DPP10: variants seen among roughly 807,000 people sequenced by gnomAD.
DPP10 encodes the protein inactive dipeptidyl peptidase 10.
A neutral mutation model predicts 120.9 loss-of-function variants in DPP10; 33 were observed. That is an observed-to-expected ratio of 0.27 (90% confidence interval 0.21 to 0.37). The LOEUF is 0.37. Ranked by LOEUF, DPP10 falls within the 10% of genes least tolerant of loss-of-function variation. The probability of loss-of-function intolerance (pLI) is 1.00; values close to 1 mark genes in which losing one functional copy is unlikely to be tolerated. For missense variants in DPP10, 816 were observed against 942.8 expected, an observed-to-expected ratio of 0.87 and a Z score of 1.76; for synonymous variants, 337 against 326.1, an observed-to-expected ratio of 1.03 and a Z score of -0.36.
chr2:114,708,549 G>A (rs1350065905), intron 1 of DPP10, among the ~76,000 whole-genome samples: 1 of 152,136 alleles, frequency 6.6e-6, no homozygotes, highest in Non-Finnish European at 1.5e-5. Context: ...AGAAAACTGA[G>A]CACCTTGGTC....
intron 19 of DPP10, among the ~76,000 whole-genome samples, chr2:115,801,363 T>G (rs965773414): frequency 6.6e-6 from 1 of 152,122 alleles, no homozygotes; most frequent in Non-Finnish European, 1.5e-5. Flanking sequence ...TCTAAATATA[T>G]AATCATGTCA....
intron 1 of DPP10, among the ~76,000 whole-genome samples, chr2:115,013,782 A>G (rs557680363): frequency 1.3e-5 from 2 of 152,268 alleles, no homozygotes; most frequent in South Asian, 4.1e-4. Context: ...TGCAAGCAAC[A>G]AGAAAAGCTA....
intron 5 of DPP10, among the ~76,000 whole-genome samples, chr2:115,630,337 T>A (rs2085742652): frequency 1.3e-5 from 2 of 152,166 alleles, no homozygotes; most frequent in Non-Finnish European, 2.9e-5. Context: ...AGATATAGGA[T>A]CATGTCATCT....
At chr2:115,236,008 A>T (rs2057985610) in intron 1 of DPP10, among the ~76,000 whole-genome samples, 2 of 152,140 alleles carry the variant, frequency 1.3e-5, no homozygotes, top group Admixed American at 6.6e-5. Context: ...ATAACTAAAA[A>T]ATTTACTTTT....
chr2:114,513,827 C>G (rs948060870), intron 1 of DPP10, among the ~76,000 whole-genome samples: 4 of 152,138 alleles, frequency 2.6e-5, no homozygotes, highest in African/African-American at 9.7e-5. Context: ...AATTAATATA[C>G]TCATTGAAAA....
intron 5 of DPP10, among the ~76,000 whole-genome samples, chr2:115,612,854 A>G (rs2084215135): frequency 6.6e-6 from 1 of 151,838 alleles, no homozygotes; most frequent in Non-Finnish European, 1.5e-5. Context: ...AATGCTAAAC[A>G]TCTGTATCTT....
chr2:114,562,756 A>G (rs117713611), intron 1 of DPP10, among the ~76,000 whole-genome samples: 1 of 152,250 alleles, frequency 6.6e-6, no homozygotes, highest in South Asian at 2.1e-4. Context: ...TGTAAAAGGA[A>G]TTATATATTT....
At chr2:115,316,395 C>A (rs972891108) in intron 2 of DPP10, among the ~76,000 whole-genome samples, 3 of 152,048 alleles carry the variant, frequency 2.0e-5, no homozygotes, top group Non-Finnish European at 2.9e-5. Context: ...AAATAAATTT[C>A]CCCTTTATTC....
chr2:114,726,674 C>G (rs1414975071), intron 1 of DPP10, among the ~76,000 whole-genome samples: 4 of 152,148 alleles, frequency 2.6e-5, no homozygotes, highest in African/African-American at 7.2e-5. Flanking sequence ...AAACCTATAT[C>G]TGTCAGAAAT....
rs1445405855 is a variant in DPP10, at chr2:114,532,294, T to TAC, written c.60+89457_60+89458insCA. The stretch of plus-strand genomic sequence containing the variant: ...ATATATATATATATATATATATATA[T>TAC]ATACACACACACACACACACACAGA... On this transcript the variant is annotated intron_variant, in intron 1 of 25. Coordinates refer to ENST00000410059, the MANE Select transcript of DPP10 (RefSeq NM_020868.6). 4.5e-3 allele frequency among the ~76,000 whole-genome samples: 299 copies of TAC among 65,798 alleles called. 2 individuals are homozygous for TAC. Among genetic ancestry groups the TAC allele is most frequent in the Middle Eastern group, 0.013 (2 of 158 alleles). 43.2% of individuals were successfully genotyped at this position (65,798 alleles called of 152,430 possible). A position where few individuals can be genotyped will look rare whatever the true frequency, so the allele number is the denominator to read the frequency against.
intron 3 of DPP10, among the ~76,000 whole-genome samples, chr2:115,388,555 T>C (rs562272351): frequency 1.9e-4 from 29 of 152,324 alleles, no homozygotes; most frequent in African/African-American, 6.5e-4. Flanking sequence ...AAATACTTCC[T>C]GGCCCTCTAG....
intron 5 of DPP10, among the ~76,000 whole-genome samples, chr2:115,593,731 T>C (rs565576752): frequency 1.3e-5 from 2 of 152,324 alleles, no homozygotes; most frequent in African/African-American, 4.8e-5. Flanking sequence ...TTTTTCTCTC[T>C]CTATTCCCCC....
At chr2:115,521,345 G>A (rs1292168924) in intron 4 of DPP10, among the ~76,000 whole-genome samples, 1 of 152,142 alleles carries the variant, frequency 6.6e-6, no homozygotes, top group East Asian at 1.9e-4. Context: ...GATAAAAGAT[G>A]AGGCTTTCTG....
chr2:114,955,300 G>T lies in DPP10; in HGVS notation c.61-353939G>T, dbSNP rs1698118990. On this transcript the variant is annotated intron_variant, in intron 1 of 25. Coordinates refer to ENST00000410059, the MANE Select transcript of DPP10 (RefSeq NM_020868.6). ...CACTCTTGTCACCATTTTGGTTTTG[G>T]CCGGCTCCTTTACTGCAACCTGTTT... Among the ~76,000 whole-genome samples the T allele has an allele frequency of 2.0e-5, 3 of 152,134 alleles. No individual in the cohort carries two copies. The South Asian group carries it at 6.2e-4, about 32-fold the overall frequency.
At chr2:115,762,642 C>T (rs1680255834) in intron 12 of DPP10, 32 bp downstream of exon 12, 2 of 1,610,558 alleles carry the variant, frequency 1.2e-6, no homozygotes, top group Non-Finnish European at 1.7e-6. Context: ...ACATCTTGGC[C>T]ATTGTGACCA....
At chr2:115,796,803 C>T (rs1196310345) in intron 19 of DPP10, among the ~76,000 whole-genome samples, 3 of 151,978 alleles carry the variant, frequency 2.0e-5, no homozygotes, top group African/African-American at 4.8e-5. Context: ...TAGAAATCAT[C>T]CAAGGTGAAT....
intron 1 of DPP10, among the ~76,000 whole-genome samples, chr2:114,540,171 G>A (rs1686844345): frequency 6.6e-6 from 1 of 152,190 alleles, no homozygotes; most frequent in Non-Finnish European, 1.5e-5. Context: ...CAAATGCAAA[G>A]TGACAAAGGA....
intron 1 of DPP10, among the ~76,000 whole-genome samples, chr2:114,558,433 T>C (rs1688496584): frequency 1.3e-5 from 2 of 152,242 alleles, no homozygotes; most frequent in South Asian, 4.1e-4. Flanking sequence ...CTACACATAG[T>C]TGGTTAGCAC....
At chr2:115,437,569 A>C (rs140418068) in intron 3 of DPP10, among the ~76,000 whole-genome samples, 1,617 of 152,182 alleles carry the variant, frequency 0.011, 23 homozygotes, top group Non-Finnish European at 0.015. Context: ...TATTTATGAC[A>C]GTTTCACAGA....
Sources: gnomAD v4.1 joint callset for allele counts (sites outside exome capture counted in the v4.1 genomes callset) on GRCh38, gnomAD v4.1.1 for gene constraint, MANE v1.5 for transcripts, NCBI Gene and HGNC (gene_info 2026-07-23, HGNC 2026-07-21) for gene names.